ADAMTSL1: variants seen among roughly 807,000 people sequenced by gnomAD.
ADAMTSL1 encodes ADAMTS-like protein 1.
A neutral mutation model predicts 201.8 loss-of-function variants in ADAMTSL1; 126 were observed. The observed-to-expected ratio is 0.62, with a 90% confidence interval of 0.54 to 0.72. ADAMTSL1 has a LOEUF of 0.72. Ranked by LOEUF, ADAMTSL1 falls within the 30% of genes least tolerant of loss-of-function variation. The pLI is 0.00. For synonymous variants in ADAMTSL1, 1,121 were observed against 903.4 expected (o/e 1.24, Z -4.32); for missense variants, 2,679 against 2,277.8 (o/e 1.18, Z -3.59).
At chr9:18,767,706 G>A (rs1820444415) in intron 16 of ADAMTSL1, among the ~76,000 whole-genome samples, 1 of 152,104 alleles carries the variant, frequency 6.6e-6, no homozygotes, top group Non-Finnish European at 1.5e-5. Context: ...AGGCAGTGCG[G>A]GTACAAAATT....
chr9:18,586,182 A>C (rs1426161909), intron 4 of ADAMTSL1, among the ~76,000 whole-genome samples: 1 of 152,216 alleles, frequency 6.6e-6, no homozygotes, highest in Non-Finnish European at 1.5e-5. Flanking sequence ...TTCTCTGTCT[A>C]GAAAACCACA....
At chr9:18,130,011 C>T (rs987385557) in intron 1 of ADAMTSL1, among the ~76,000 whole-genome samples, 3 of 152,174 alleles carry the variant, frequency 2.0e-5, no homozygotes, top group Non-Finnish European at 4.4e-5. Flanking sequence ...CTTGGTGAGG[C>T]AGCATGTTCC....
chr9:18,873,649 T>C (rs773963399), intron 23 of ADAMTSL1, among the ~76,000 whole-genome samples: 2 of 152,176 alleles, frequency 1.3e-5, no homozygotes, highest in African/African-American at 4.8e-5. Context: ...TTCTGTTCCA[T>C]TGGTCTTTTT....
intron 2 of ADAMTSL1, among the ~76,000 whole-genome samples, chr9:18,193,530 T>C (rs1383949108): frequency 6.6e-5 from 10 of 152,136 alleles, no homozygotes; most frequent in East Asian, 3.9e-4. Flanking sequence ...CCCCACTCTT[T>C]TTCCTTTATC....
chr9:18,860,753 C>T (rs1042936581), intron 23 of ADAMTSL1, among the ~76,000 whole-genome samples: 1 of 151,632 alleles, frequency 6.6e-6, no homozygotes, highest in African/African-American at 2.4e-5. Flanking sequence ...TCTCTATATT[C>T]TAGGGTTTCT....
intron 2 of ADAMTSL1, among the ~76,000 whole-genome samples, chr9:18,213,929 G>A (rs1236168538): frequency 2.6e-5 from 4 of 152,164 alleles, no homozygotes; most frequent in Admixed American, 1.3e-4. Context: ...TAGAGATGGG[G>A]TTTCACCATG....
intron 1 of ADAMTSL1, among the ~76,000 whole-genome samples, chr9:18,074,249 G>A (rs1823094996): frequency 1.3e-5 from 2 of 152,148 alleles, no homozygotes; most frequent in East Asian, 1.9e-4. Flanking sequence ...CAGCTTCTGT[G>A]GTCATTTTCT....
chr9:18,716,602 G>A (rs961234628), intron 14 of ADAMTSL1, among the ~76,000 whole-genome samples: 1 of 137,972 alleles, frequency 7.2e-6, no homozygotes, highest in Non-Finnish European at 1.6e-5. Context: ...GTGCTGGAGA[G>A]GATGTGGAGA....
intron 19 of ADAMTSL1, among the ~76,000 whole-genome samples, chr9:18,778,663 T>G (rs1349402669): frequency 2.6e-5 from 4 of 152,236 alleles, no homozygotes; most frequent in Non-Finnish European, 4.4e-5. Flanking sequence ...TGGTTGTCAT[T>G]AATTGATTAG....
chr9:18,397,969 G>A (rs192108848), intron 2 of ADAMTSL1, among the ~76,000 whole-genome samples: 45 of 152,226 alleles, frequency 3.0e-4, no homozygotes, highest in African/African-American at 8.7e-4. Flanking sequence ...AGGTGTGTAC[G>A]TTTTAAAGAC....
At chr9:18,463,725 A>G (rs1820893955) in intron 2 of ADAMTSL1, among the ~76,000 whole-genome samples, 1 of 152,220 alleles carries the variant, frequency 6.6e-6, no homozygotes, top group South Asian at 2.1e-4. Context: ...GTATGTATAT[A>G]TGGAACATTT....
At chr9:18,524,835 C>T (rs983410835) in intron 2 of ADAMTSL1, among the ~76,000 whole-genome samples, 1 of 152,084 alleles carries the variant, frequency 6.6e-6, no homozygotes, top group East Asian at 1.9e-4. Context: ...CTGCTGGATT[C>T]GGTTTGCCAG....
At chr9:17,985,585 A>G (rs1035438433) in intron 1 of ADAMTSL1, among the ~76,000 whole-genome samples, 1 of 152,126 alleles carries the variant, frequency 6.6e-6, no homozygotes, top group Non-Finnish European at 1.5e-5. Flanking sequence ...AAATGTAGAA[A>G]CATTTTGCCG....
intron 2 of ADAMTSL1, among the ~76,000 whole-genome samples, chr9:18,328,396 C>T (rs1834908563): frequency 6.6e-6 from 1 of 152,192 alleles, no homozygotes; most frequent in Non-Finnish European, 1.5e-5. Context: ...TGTGACGTAA[C>T]ACCAACCAGC....
intron 1 of ADAMTSL1, among the ~76,000 whole-genome samples, chr9:17,997,834 T>G (rs559382484): frequency 6.6e-6 from 1 of 152,182 alleles, no homozygotes; most frequent in African/African-American, 2.4e-5. Context: ...AAAAATCACC[T>G]CTTTCTTACT....
chr9:18,274,343 A>G (rs893600376), intron 2 of ADAMTSL1, among the ~76,000 whole-genome samples: 1 of 152,000 alleles, frequency 6.6e-6, no homozygotes, highest in African/African-American at 2.4e-5. Flanking sequence ...CAAATCTTAA[A>G]AAACATGAAA....
intron 7 of ADAMTSL1, among the ~76,000 whole-genome samples, chr9:18,653,412 T>C (rs1828420292): frequency 6.6e-6 from 1 of 152,192 alleles, no homozygotes; most frequent in Non-Finnish European, 1.5e-5. Context: ...ACATTATACC[T>C]GTTGTTTCCA....
At chr9:18,388,724 TG>T (rs1837912323) in intron 2 of ADAMTSL1, among the ~76,000 whole-genome samples, 1 of 129,794 alleles carries the variant, frequency 7.7e-6, no homozygotes, top group African/African-American at 3.5e-5. Context: ...TTCGATTTTT[TG>T]TTGTTGTTGT....
At chr9:18,116,275 G>A (rs1377572513) in intron 1 of ADAMTSL1, among the ~76,000 whole-genome samples, 1 of 152,126 alleles carries the variant, frequency 6.6e-6, no homozygotes, top group Non-Finnish European at 1.5e-5. Flanking sequence ...ATTGTCTTTA[G>A]AGATCCAGTA....
Sources: gnomAD v4.1 joint callset for allele counts (sites outside exome capture counted in the v4.1 genomes callset) on GRCh38, gnomAD v4.1.1 for gene constraint, MANE v1.5 for transcripts, NCBI Gene and HGNC (gene_info 2026-07-23, HGNC 2026-07-21) for gene names.